DENND1A: variants seen among roughly 807,000 people sequenced by gnomAD.
The protein encoded by DENND1A is DENN domain containing 1A.
A neutral mutation model predicts 113.7 loss-of-function variants in DENND1A; 51 were observed. That is an observed-to-expected ratio of 0.45 (90% CI 0.36 to 0.57). The LOEUF (loss-of-function observed/expected upper bound fraction) is 0.57, where lower values mean the gene tolerates loss of function less well. DENND1A is among the 20% of genes least tolerant of loss of function. DENND1A has a pLI of 0.00. For missense variants in DENND1A, 1,258 were observed against 1,395.9 expected, an observed-to-expected ratio of 0.90 and a Z score of 1.57; for synonymous variants, 565 against 570.8, an observed-to-expected ratio of 0.99 and a Z score of 0.14.
intron 10 of DENND1A, among the ~76,000 whole-genome samples, chr9:123,612,743 C>T (rs1176366024): frequency 6.6e-6 from 1 of 152,116 alleles, no homozygotes; most frequent in Non-Finnish European, 1.5e-5. Flanking sequence ...TTCCTAGACA[C>T]CGAATTACTA....
chr9:123,644,606 G>C (rs1178847822), intron 9 of DENND1A, among the ~76,000 whole-genome samples: 2 of 152,178 alleles, frequency 1.3e-5, no homozygotes, highest in Non-Finnish European at 2.9e-5. Flanking sequence ...CTGGAAAATG[G>C]TGTTAAGTAA....
chr9:123,630,597 G>A, intron 9 of DENND1A, 121 bp from the exon 10 acceptor site: 2 of 579,560 alleles, frequency 3.5e-6, no homozygotes, highest in Non-Finnish European at 5.3e-6. Flanking sequence ...GAAAAACCTG[G>A]AGAAATCATT....
At chr9:123,561,314 G>C (rs567383420) in intron 12 of DENND1A, among the ~76,000 whole-genome samples, 27 of 152,246 alleles carry the variant, frequency 1.8e-4, no homozygotes, top group Non-Finnish European at 2.5e-4. Flanking sequence ...GAGCAAATAC[G>C]AGTGTGTCCC....
At chr9:123,586,722 T>C (rs1203628205) in intron 11 of DENND1A, among the ~76,000 whole-genome samples, 1 of 152,022 alleles carries the variant, frequency 6.6e-6, no homozygotes, top group East Asian at 1.9e-4. Flanking sequence ...TCAAGGCAAC[T>C]AGGGGAATGA....
chr9:123,477,942 C>T (rs988206676), intron 13 of DENND1A, among the ~76,000 whole-genome samples: 6 of 152,096 alleles, frequency 3.9e-5, no homozygotes, highest in Non-Finnish European at 8.8e-5. Context: ...GATGGCTCCA[C>T]GTGGTTCTTG....
chr9:123,828,878 A>G (rs940033500), intron 2 of DENND1A, among the ~76,000 whole-genome samples: 3 of 152,208 alleles, frequency 2.0e-5, no homozygotes, highest in African/African-American at 7.2e-5. Flanking sequence ...GTTCCCAAAG[A>G]TAGGGATCTC....
At chr9:123,915,259 C>A (rs1384970919) in intron 1 of DENND1A, among the ~76,000 whole-genome samples, 4 of 152,032 alleles carry the variant, frequency 2.6e-5, no homozygotes, top group Non-Finnish European at 5.9e-5. Context: ...TTAACATTCT[C>A]CTTCAAATGG....
At chr9:123,436,619 AAAG>A (rs2046539008) in intron 19 of DENND1A, among the ~76,000 whole-genome samples, 1 of 152,250 alleles carries the variant, frequency 6.6e-6, no homozygotes. Context: ...TTGAATTCTT[AAAG>A]AAACTACGTG....
intron 11 of DENND1A, among the ~76,000 whole-genome samples, chr9:123,599,831 T>C (rs1216705832): frequency 2.0e-5 from 3 of 152,168 alleles, no homozygotes; most frequent in African/African-American, 7.2e-5. Context: ...AATCAATTAT[T>C]TTAGGTCATT....
At chr9:123,773,387 A>G (rs1830015596) in intron 3 of DENND1A, among the ~76,000 whole-genome samples, 1 of 152,180 alleles carries the variant, frequency 6.6e-6, no homozygotes, top group Non-Finnish European at 1.5e-5. Flanking sequence ...TCCAATTCTA[A>G]TTCTCATCCG....
intron 13 of DENND1A, among the ~76,000 whole-genome samples, chr9:123,499,865 C>T (rs1021159849): frequency 3.9e-5 from 6 of 152,206 alleles, no homozygotes; most frequent in African/African-American, 9.6e-5. Flanking sequence ...CCTGTCTATG[C>T]GCACCTGGCA....
intron 1 of DENND1A, among the ~76,000 whole-genome samples, chr9:123,919,957 C>T (rs536095839): frequency 6.7e-6 from 1 of 150,256 alleles, no homozygotes; most frequent in Non-Finnish European, 1.5e-5. Context: ...GACTAGAGAG[C>T]AGGGGAGGGA....
At chr9:123,654,426 T>TA (rs2062827729) in intron 8 of DENND1A, among the ~76,000 whole-genome samples, 1 of 151,854 alleles carries the variant, frequency 6.6e-6, no homozygotes, top group African/African-American at 2.4e-5. Flanking sequence ...TGGGGAGAAA[T>TA]ATGTTACACA....
chr9:123,557,788 T>G, intron 12 of DENND1A, 93 bp from the exon 13 acceptor site: 3 of 1,444,694 alleles, frequency 2.1e-6, no homozygotes, highest in Non-Finnish European at 2.8e-6. Context: ...TGGAAGATCC[T>G]ACGGATGGCA....
intron 13 of DENND1A, among the ~76,000 whole-genome samples, chr9:123,508,136 T>A (rs1458795741): frequency 6.6e-6 from 1 of 152,174 alleles, no homozygotes; most frequent in Non-Finnish European, 1.5e-5. Flanking sequence ...CAGCTAGACT[T>A]AGTAAGTCCA....
chr9:123,411,659 C>T (rs1306857804), intron 20 of DENND1A, 117 bp downstream of exon 20: 8 of 666,784 alleles, frequency 1.2e-5, no homozygotes, highest in Non-Finnish European at 1.5e-5. Context: ...CTGAAAAACC[C>T]AATTCCCAGT....
intron 20 of DENND1A, among the ~76,000 whole-genome samples, chr9:123,408,169 G>C (rs2044029543): frequency 6.6e-6 from 1 of 152,172 alleles, no homozygotes; most frequent in South Asian, 2.1e-4. Context: ...ACGTGACCCA[G>C]CAAAGCCACA....
At chr9:123,706,391 C>T (rs1213566441) in intron 5 of DENND1A, among the ~76,000 whole-genome samples, 1 of 151,908 alleles carries the variant, frequency 6.6e-6, no homozygotes, top group African/African-American at 2.4e-5. Flanking sequence ...ACCTCATGAT[C>T]TGCCCATTTT....
chr9:123,437,920 T>C (rs1253284988), intron 19 of DENND1A: 2 of 152,216 alleles, frequency 1.3e-5, no homozygotes, highest in Non-Finnish European at 2.9e-5. Flanking sequence ...AAAATTGTTT[T>C]ATATGTTAGA....
Sources: gnomAD v4.1 joint callset for allele counts (sites outside exome capture counted in the v4.1 genomes callset) on GRCh38, gnomAD v4.1.1 for gene constraint, MANE v1.5 for transcripts, NCBI Gene and HGNC (gene_info 2026-07-23, HGNC 2026-07-21) for gene names.